The following PACRG variants were observed in gnomAD, a reference collection of about 807,000 sequenced individuals.
PACRG encodes the protein parkin coregulated gene protein.
In PACRG, 29 loss-of-function variants were observed where a neutral mutation model predicts 29.7. The observed-to-expected ratio is 0.98, with a 90% CI of 0.73 to 1.33. The LOEUF (loss-of-function observed/expected upper bound fraction) is 1.33. Among genes scored for constraint, PACRG ranks in the 40% most tolerant of loss-of-function variants. PACRG has a pLI of 0.00. For missense variants in PACRG, 279 were observed against 316.2 expected, an observed-to-expected ratio of 0.88 and a Z score of 0.89; for synonymous variants, 116 against 118.7, an observed-to-expected ratio of 0.98 and a Z score of 0.15.
At chr6:163,239,714 G>GCACACTCCCACATACACACACACT (rs1562333313) in intron 4 of PACRG, among the ~76,000 whole-genome samples, 2 of 94,226 alleles carry the variant, frequency 2.1e-5, no homozygotes, top group East Asian at 6.8e-4. Flanking sequence ...ACACACACAC[G>GCACACTCCCACATACACACACACT]CACACTCCCA....
chr6:162,767,056 G>A (rs1275771670), intron 1 of PACRG, among the ~76,000 whole-genome samples: 2 of 151,912 alleles, frequency 1.3e-5, no homozygotes, highest in Non-Finnish European at 1.5e-5. Context: ...AAAAACACAC[G>A]GAGTCTATGA....
At chr6:163,194,245 C>G (rs2128363097) in intron 4 of PACRG, among the ~76,000 whole-genome samples, 1 of 152,262 alleles carries the variant, frequency 6.6e-6, no homozygotes, top group Non-Finnish European at 1.5e-5. Flanking sequence ...CTCCTTTCTA[C>G]AGAGGAGAGA....
intron 4 of PACRG, among the ~76,000 whole-genome samples, chr6:163,248,006 C>T (rs190376685): frequency 2.2e-4 from 34 of 152,288 alleles, no homozygotes; most frequent in African/African-American, 7.9e-4. Context: ...CCAGCAACAC[C>T]ACAGACTTCC....
chr6:162,963,620 CAT>C (rs1364252706), intron 2 of PACRG, among the ~76,000 whole-genome samples: 1 of 150,368 alleles, frequency 6.7e-6, no homozygotes, highest in Non-Finnish European at 1.5e-5. Context: ...TGTATTTAAA[CAT>C]AAAAAGTATA....
At position 163,144,246 on chromosome 6, in the gene PACRG, A is replaced by G. The variant is rs1024798436; in HGVS notation, c.613+54838A>G. 1.4e-4 allele frequency among the ~76,000 whole-genome samples: 21 copies of G among 151,212 alleles called. 1 individual carries two copies. The highest frequency in any genetic ancestry group is 2.9e-5 in the Non-Finnish European group (2 of 67,874). On this transcript the variant is annotated intron_variant, in intron 4 of 4. Coordinates refer to ENST00000366888, the MANE Select transcript of PACRG (RefSeq NM_001080379.2). ...TCCGTCTCAAAACAAAAAAAAAAAA[A>G]AAAGGGAAAAGTAGTTTTTAAATCT...
chr6:163,286,333 C>G (rs975157907), intron 4 of PACRG, among the ~76,000 whole-genome samples: 3 of 152,096 alleles, frequency 2.0e-5, no homozygotes, highest in Admixed American at 2.0e-4. Context: ...ATTATTGATA[C>G]ATAAAGTGGG....
In PACRG at chr6:163,270,000, AAAGAAAGG is replaced by A. The variant is rs1385412230; in HGVS notation, c.614-44825_614-44818del. The stretch of plus-strand genomic sequence containing the variant: ...GAAAGAAAGAAAGAAAGAAAGAAAG[AAAGAAAGG>A]AGGGAGGGAGGGAGGGAGGAAGGAA... On this transcript the variant is annotated intron_variant, in intron 4 of 4. Coordinates refer to ENST00000366888, the MANE Select transcript of PACRG (RefSeq NM_001080379.2). Among the ~76,000 whole-genome samples the A allele has an allele frequency of 2.3e-3, 266 of 114,568 alleles. 47 individuals carry two copies. The highest frequency in any genetic ancestry group is 8.1e-3 in the African/African-American group (242 of 29,768). The allele number at this position is 114,568 out of a possible 152,430, so 75.2% of individuals were successfully genotyped here. A position where few individuals can be genotyped will look rare whatever the true frequency, so the allele number is the denominator to read the frequency against.
chr6:162,854,876 G>GTA (rs1284128607), intron 2 of PACRG, among the ~76,000 whole-genome samples: 1 of 152,224 alleles, frequency 6.6e-6, no homozygotes, highest in African/African-American at 2.4e-5. Flanking sequence ...ATTTCACATG[G>GTA]GTAGTCCCTT....
chr6:162,912,930 A>G (rs371489372), intron 2 of PACRG, among the ~76,000 whole-genome samples: 1 of 152,108 alleles, frequency 6.6e-6, no homozygotes, highest in Non-Finnish European at 1.5e-5. Flanking sequence ...AACAAAAAAA[A>G]AAAAAACAAA....
chr6:162,880,630 C>G (rs1419933505), intron 2 of PACRG, among the ~76,000 whole-genome samples: 1 of 152,022 alleles, frequency 6.6e-6, no homozygotes, highest in Non-Finnish European at 1.5e-5. Context: ...TAAGATCAGC[C>G]ATGACTATTA....
At chr6:162,869,029 C>CT in intron 2 of PACRG, among the ~76,000 whole-genome samples, 1 of 152,202 alleles carries the variant, frequency 6.6e-6, no homozygotes, top group Non-Finnish European at 1.5e-5. Flanking sequence ...GCATCCTCTG[C>CT]TCAGAATTGC....
intron 1 of PACRG, among the ~76,000 whole-genome samples, chr6:162,738,417 T>C (rs10455918): frequency 0.012 from 1,861 of 152,310 alleles, 21 homozygotes; most frequent in South Asian, 0.025. Flanking sequence ...CTTGTTAGTA[T>C]TTTGTGTCAC....
intron 4 of PACRG, among the ~76,000 whole-genome samples, chr6:163,270,537 ATT>A (rs11331698): frequency 2.7e-5 from 4 of 150,240 alleles, no homozygotes; most frequent in Admixed American, 6.6e-5. Flanking sequence ...TGCCTGACTA[ATT>A]TTTTTTTTTA....
rs190532981 is a variant in PACRG at position 162,976,320 on chromosome 6, A to T, written c.292-85830A>T. The stretch of plus-strand genomic sequence containing the variant: ...TCAAAGAGTGGACTGCAGCTGAATG[A>T]TGCTGGCAGGTGTGGAACAGTCTAG... On this transcript the variant is annotated intron_variant, in intron 2 of 4. Transcript: ENST00000366888. Among the ~76,000 whole-genome samples the T allele has an allele frequency of 1.4e-4, 22 of 152,314 alleles. No homozygotes were observed. The East Asian group carries it at 3.9e-3, about 27-fold the overall frequency.
chr6:162,857,110 G>A (rs1791462404), intron 2 of PACRG, among the ~76,000 whole-genome samples: 1 of 152,138 alleles, frequency 6.6e-6, no homozygotes, highest in African/African-American at 2.4e-5. Flanking sequence ...GGGTAAAGAG[G>A]GGAGAAAGAA....
At chr6:162,811,425 C>T (rs1786856480) in intron 1 of PACRG, among the ~76,000 whole-genome samples, 1 of 152,060 alleles carries the variant, frequency 6.6e-6, no homozygotes, top group African/African-American at 2.4e-5. Flanking sequence ...CATGTTACTG[C>T]AAGTCATCCA....
intron 4 of PACRG, among the ~76,000 whole-genome samples, chr6:163,171,554 C>A (rs77403813): frequency 0.079 from 12,006 of 152,284 alleles, 628 homozygotes; most frequent in East Asian, 0.14. Context: ...CTATCTACTC[C>A]CAATGATGTA....
At chr6:163,159,030 G>A (rs1778440914) in intron 4 of PACRG, among the ~76,000 whole-genome samples, 1 of 152,136 alleles carries the variant, frequency 6.6e-6, no homozygotes, top group South Asian at 2.1e-4. Context: ...TGAATGCCAT[G>A]AGCACAGGTT....
chr6:162,829,090 A>C (rs1788523633), intron 2 of PACRG, among the ~76,000 whole-genome samples: 1 of 152,262 alleles, frequency 6.6e-6, no homozygotes, highest in South Asian at 2.1e-4. Flanking sequence ...ATAGCCAAGC[A>C]AATCCATTTT....
Sources: allele counts gnomAD v4.1 joint callset (sites outside exome capture counted in the v4.1 genomes callset), GRCh38; gene constraint gnomAD v4.1.1; transcripts MANE v1.5; gene names NCBI Gene and HGNC (gene_info 2026-07-23, HGNC 2026-07-21).